Variants in PLPPR1 observed in about 807,000 individuals in gnomAD.
PLPPR1 encodes the protein phospholipid phosphatase-related protein type 1.
Under a neutral mutation model 33.1 loss-of-function variants are expected in PLPPR1, and 10 were observed. The observed-to-expected ratio is 0.30, with a 90% CI of 0.19 to 0.51. PLPPR1 has a LOEUF of 0.51. PLPPR1 is among the 20% of genes least tolerant of loss of function. The pLI is 0.97. For synonymous variants in PLPPR1, 151 were observed against 151.0 expected, an observed-to-expected ratio of 1.00 and a Z score of 0.00; for missense variants, 304 against 408.1, an observed-to-expected ratio of 0.74 and a Z score of 2.20.
At chr9:101,246,091 T>G (rs57465487) in intron 2 of PLPPR1, among the ~76,000 whole-genome samples, 41,773 of 109,970 alleles carry the variant, frequency 0.38, 9,247 homozygotes, top group African/African-American at 0.57. Flanking sequence ...TATATATATA[T>G]ATATATATAT....
At chr9:101,276,333 A>T (rs1276822446) in intron 3 of PLPPR1, among the ~76,000 whole-genome samples, 1 of 151,764 alleles carries the variant, frequency 6.6e-6, no homozygotes, top group Non-Finnish European at 1.5e-5. Context: ...ATTATTGTGG[A>T]TTTTTTAAAA....
intron 1 of PLPPR1, among the ~76,000 whole-genome samples, chr9:101,114,830 C>T (rs1417993483): frequency 2.0e-5 from 3 of 152,194 alleles, no homozygotes; most frequent in Non-Finnish European, 2.9e-5. Flanking sequence ...TTCTCCAGCA[C>T]TCCTTAAAAG....
intron 2 of PLPPR1, among the ~76,000 whole-genome samples, chr9:101,250,203 A>G (rs1827691665): frequency 6.6e-6 from 1 of 151,988 alleles, no homozygotes; most frequent in Admixed American, 6.6e-5. Flanking sequence ...TTCTGCCTCA[A>G]AGAACACTGG....
At chr9:101,106,035 A>T (rs1404350038) in intron 1 of PLPPR1, among the ~76,000 whole-genome samples, 2 of 150,874 alleles carry the variant, frequency 1.3e-5, no homozygotes, top group Non-Finnish European at 2.9e-5. Flanking sequence ...TTTTGAGCCT[A>T]TGTGTGTCTC....
intron 2 of PLPPR1, among the ~76,000 whole-genome samples, chr9:101,225,519 T>C (rs891651859): frequency 4.6e-5 from 7 of 152,288 alleles, no homozygotes; most frequent in African/African-American, 1.7e-4. Flanking sequence ...AAACTCCTGT[T>C]TCCCAGAATT....
rs556851942 is a variant in PLPPR1 at position 101,309,130 on chromosome 9, C to G, written c.386-81C>G. ...TCATTTTGATAGGTCATCATGGACT[C>G]TCACCGCTGTTTTCTCTTAGGAGAA... On this transcript the variant is annotated intron_variant, in intron 4 of 7. Transcript: ENST00000374874. 80 of 1,436,466 alleles carry G rather than the reference C, an allele frequency of 5.6e-5. No homozygotes were observed. The African/African-American group carries it at 8.0e-4, about 14-fold the overall frequency. The allele number at this position is 1,436,466 out of a possible 1,614,324, so 89.0% of individuals were successfully genotyped here.
intron 1 of PLPPR1, among the ~76,000 whole-genome samples, chr9:101,042,045 A>G (rs1202691800): frequency 6.6e-6 from 1 of 152,148 alleles, no homozygotes; most frequent in Non-Finnish European, 1.5e-5. Flanking sequence ...ACATATAGAG[A>G]AAATATAATT....
rs74865494 is a variant in PLPPR1, at chr9:101,161,152, C to A, written c.-45-24298C>A. Among the ~76,000 whole-genome samples, 1,013 of 152,250 alleles carry A rather than the reference C, an allele frequency of 6.7e-3. 10 individuals are homozygous for A. Among genetic ancestry groups the A allele is most frequent in the African/African-American group, 0.024 (980 of 41,554 alleles). On this transcript the variant is annotated intron_variant, in intron 1 of 7. Coordinates refer to ENST00000374874, the MANE Select transcript of PLPPR1 (RefSeq NM_207299.2). Reference sequence around the variant, plus strand: ...CTGAATATAAGTATGATTTTCTGAGCTGACTACAAATGGAACAAGCTGTAA... The same window carrying A: ...CTGAATATAAGTATGATTTTCTGAGATGACTACAAATGGAACAAGCTGTAA...
intron 1 of PLPPR1, among the ~76,000 whole-genome samples, chr9:101,032,483 C>G (rs1829957940): frequency 6.6e-6 from 1 of 152,178 alleles, no homozygotes; most frequent in African/African-American, 2.4e-5. Flanking sequence ...CTGTGTGCTC[C>G]TATATCACCC....
At chr9:101,267,615 G>T (rs1828020544) in intron 2 of PLPPR1, among the ~76,000 whole-genome samples, 1 of 152,322 alleles carries the variant, frequency 6.6e-6, no homozygotes, top group Admixed American at 6.5e-5. Context: ...GCTAGTGAAT[G>T]AAGAGATGGT....
intron 1 of PLPPR1, among the ~76,000 whole-genome samples, chr9:101,183,908 C>T (rs1281878232): frequency 6.6e-6 from 1 of 151,670 alleles, no homozygotes; most frequent in Non-Finnish European, 1.5e-5. Flanking sequence ...GTGCCTCTGC[C>T]TTCTTGAACA....
At position 101,317,355 on chromosome 9, in the gene PLPPR1, C is replaced by T. The variant is rs752081426; in HGVS notation, c.814-10C>T. The T allele has an allele frequency of 2.5e-6, 4 of 1,610,248 alleles. No homozygotes were observed. The highest frequency in any genetic ancestry group is 3.4e-6 in the Non-Finnish European group (4 of 1,178,750). On this transcript the variant is annotated splice_polypyrimidine_tract_variant and intron_variant, in intron 6 of 7. Coordinates refer to ENST00000374874, the MANE Select transcript of PLPPR1 (RefSeq NM_207299.2). ...TCTGACCCCATTCTTTTTTCCCCCT[C>T]ATCCTGCAGGGAATGTGTGTGGTTC...
intron 5 of PLPPR1, among the ~76,000 whole-genome samples, chr9:101,310,835 A>T (rs1163815642): frequency 1.3e-5 from 2 of 152,212 alleles, no homozygotes; most frequent in Non-Finnish European, 2.9e-5. Context: ...AGTATGTGAA[A>T]AAAAGGACTT....
At chr9:101,303,263 G>A (rs976337531) in intron 4 of PLPPR1, among the ~76,000 whole-genome samples, 2 of 150,626 alleles carry the variant, frequency 1.3e-5, no homozygotes, top group Non-Finnish European at 3.0e-5. Context: ...GGATTACGGG[G>A]ACAAGCCACT....
intron 1 of PLPPR1, among the ~76,000 whole-genome samples, chr9:101,119,272 C>A (rs1831149279): frequency 6.6e-6 from 1 of 152,176 alleles, no homozygotes; most frequent in Non-Finnish European, 1.5e-5. Context: ...GTTATGGTAT[C>A]CTTGTGTTCC....
At chr9:101,108,589 C>A (rs1588031492) in intron 1 of PLPPR1, among the ~76,000 whole-genome samples, 1 of 152,196 alleles carries the variant, frequency 6.6e-6, no homozygotes, top group East Asian at 1.9e-4. Flanking sequence ...TCCAGGCATA[C>A]AAGAAATTTG....
chr9:101,113,646 CAAAAA>C (rs1399898952), intron 1 of PLPPR1, among the ~76,000 whole-genome samples: 14 of 151,666 alleles, frequency 9.2e-5, no homozygotes, highest in Non-Finnish European at 2.1e-4. Flanking sequence ...AAACAAAAAA[CAAAAA>C]ACAAAAAAAC....
intron 6 of PLPPR1, 144 bp from the exon 7 acceptor site, chr9:101,317,221 C>A: frequency 1.2e-6 from 1 of 824,508 alleles, no homozygotes; most frequent in Non-Finnish European, 1.9e-6. Context: ...TTCCACAGCA[C>A]TTCCCATAGT....
chr9:101,108,289 T>C (rs1304844706), intron 1 of PLPPR1, among the ~76,000 whole-genome samples: 4 of 152,220 alleles, frequency 2.6e-5, no homozygotes, highest in African/African-American at 4.8e-5. Context: ...TAAAAATCAA[T>C]TGATCTGTCT....
Sources: allele counts gnomAD v4.1 joint callset (sites outside exome capture counted in the v4.1 genomes callset), GRCh38; gene constraint gnomAD v4.1.1; transcripts MANE v1.5; gene names NCBI Gene and HGNC (gene_info 2026-07-23, HGNC 2026-07-21).